CDH16: variants seen among roughly 807,000 people sequenced by gnomAD.
The protein encoded by CDH16 is cadherin 16.
CDH16 carries 79 observed loss-of-function variants against 87.6 expected under a neutral mutation model. The ratio of observed to expected loss-of-function variants is 0.90; its 90% confidence interval spans 0.75 to 1.09. The LOEUF (loss-of-function observed/expected upper bound fraction) is 1.09. CDH16 is among the 50% of genes least tolerant of loss of function. The probability of loss-of-function intolerance (pLI) is 0.00; values close to 1 mark genes in which losing one functional copy is unlikely to be tolerated. For synonymous variants in CDH16, 457 were observed against 439.5 expected (o/e 1.04, Z -0.50); for missense variants, 1,124 against 1,071.7 (o/e 1.05, Z -0.68).
Position 66,908,139 on chromosome 16 carries a change from C to A in CDH16, c.*253G>T, listed in dbSNP as rs1031357062. On this transcript the variant is annotated 3_prime_UTR_variant, in exon 18 of 18. Coordinates refer to ENST00000299752, the MANE Select transcript of CDH16 (RefSeq NM_004062.4). ...CACAGACATACCAATCCCATAGGGCCCAGCCCAGTTCTCTGGGGCTTTATT... is the reference window on the plus strand; with the variant it reads ...CACAGACATACCAATCCCATAGGGCACAGCCCAGTTCTCTGGGGCTTTATT... The A allele has an allele frequency of 1.1e-5, 6 of 540,260 alleles. No individual in the cohort carries two copies. The highest frequency in any genetic ancestry group is 1.0e-5 in the Non-Finnish European group (3 of 300,270). The allele number at this position is 540,260 out of a possible 1,614,324, so 33.5% of individuals were successfully genotyped here. A position where few individuals can be genotyped will look rare whatever the true frequency, so the allele number is the denominator to read the frequency against.
At chr16:66,915,052 C>A (rs1158380352) in intron 6 of CDH16, among the ~76,000 whole-genome samples, 168 bp downstream of exon 6, 1 of 152,172 alleles carries the variant, frequency 6.6e-6, no homozygotes, top group Admixed American at 6.5e-5. Flanking sequence ...GCTCTCCATG[C>A]CTGGCCCTGC....
chr16:66,917,776 A>T, intron 2 of CDH16, 51 bp from the exon 3 acceptor site: 1 of 1,475,624 alleles, frequency 6.8e-7, no homozygotes, highest in Non-Finnish European at 9.4e-7. Flanking sequence ...CTGCGTGGGC[A>T]CTGAGACCCA....
At position 66,912,081 on chromosome 16, in the gene CDH16, C is replaced by T. The variant is rs372442773; in HGVS notation, c.1608G>A (p.Ala536=). 153 of 1,614,022 alleles carry T rather than the reference C, an allele frequency of 9.5e-5. 2 individuals are homozygous for T. In the South Asian group the frequency reaches 1.3e-3, roughly 13 times the overall value. Residue 536 remains alanine (A), a synonymous_variant, in exon 13 of 18, where the codon GCG becomes GCA. Transcript: ENST00000299752. ...HEVVVVVQSV[A]KLVGPGPGPG... ...GGCCTGGGCCTGGCCCCACCAGCTT[C>T]GCCACACTCTGCACCACCACCACCA... is the stretch of plus-strand genomic sequence containing the variant.
At position 66,912,008 on chromosome 16, in the gene CDH16, G is replaced by A. The variant is rs374852035; in HGVS notation, c.1681C>T (p.Pro561Ser). ...TAGCTCTCCTGGTCCAACTTGGGGG[G>A]TGGCATCACTCTCTCCACTAGCACA... ...VTVLVERVMPPPKLDQESYEA... is the reference protein window; with the variant it reads ...VTVLVERVMPSPKLDQESYEA... Residue 561 changes from proline to serine, a missense_variant, in exon 13 of 18, where the codon CCC (proline) becomes TCC (serine). Pro to Ser is a moderately conservative substitution (Grantham distance 74). Coordinates refer to ENST00000299752, the MANE Select transcript of CDH16 (RefSeq NM_004062.4). The A allele has an allele frequency of 3.7e-6, 6 of 1,614,002 alleles. No individual in the cohort carries two copies. In the Admixed American group the frequency reaches 6.7e-5, roughly 18 times the overall value.
chr16:66,915,388 G>A lies in CDH16; in HGVS notation c.425-10C>T, dbSNP rs574852023. ...AAGAGGAAGGGGATGCCTGGTTCAC[G>A]GTGGGAGGGCAAACTGTAAGGGATA... On this transcript the variant is annotated splice_polypyrimidine_tract_variant and intron_variant, in intron 5 of 17. Coordinates refer to ENST00000299752, the MANE Select transcript of CDH16 (RefSeq NM_004062.4). The A allele has an allele frequency of 7.4e-6, 12 of 1,613,222 alleles. No homozygotes were observed. Among genetic ancestry groups the A allele is most frequent in the African/African-American group, 4.0e-5 (3 of 74,998 alleles).
chr16:66,915,018 G>T (rs1007250045), intron 6 of CDH16, among the ~76,000 whole-genome samples: 13 of 152,010 alleles, frequency 8.6e-5, no homozygotes, highest in Non-Finnish European at 1.6e-4. Context: ...TGGAGCTGAG[G>T]CCCTCCATTC....
chr16:66,916,511 A>C lies in CDH16; in HGVS notation c.130-82T>G, dbSNP rs1214126620. On this transcript the variant is annotated intron_variant, in intron 3 of 17. Transcript: ENST00000299752. This position sits in a 1 kb window ranked among gnomAD's most constrained non-coding sequence, Gnocchi z 4.1. ...CCTCCACCTGATGGCCTCATTTTAC[A>C]TGTGGGGAAACTGAGTCTCAGAGAC... 10 of 1,442,060 alleles carry C rather than the reference A, an allele frequency of 6.9e-6. No individual in the cohort carries two copies. The East Asian group carries it at 9.4e-5, about 14-fold the overall frequency. 89.3% of individuals were successfully genotyped at this position (1,442,060 alleles called of 1,614,324 possible).
In CDH16 at chr16:66,911,301, T is replaced by C; in HGVS notation, c.1805A>G (p.Asn602Ser). The C allele has an allele frequency of 2.5e-6, 4 of 1,613,422 alleles. No homozygotes were observed. The South Asian group carries it at 3.3e-5, about 13-fold the overall frequency. Reference protein sequence around the residue: ...ISRTLRFSLVNDSEGWLCIEK... With the variant: ...ISRTLRFSLVSDSEGWLCIEK... ...AATGCAGAGCCAGCCCTCTGAGTCA[T>C]TGACTAGGGAGAACCTGCCGCCCAA... Residue 602 changes from asparagine to serine, a missense_variant, in exon 14 of 18, where the codon AAT (asparagine) becomes AGT (serine). By Grantham distance (46) the Asn-to-Ser change is conservative (BLOSUM62 1). Transcript: ENST00000299752.
chr16:66,915,909 A>T (rs1489694844), intron 5 of CDH16, among the ~76,000 whole-genome samples, 156 bp downstream of exon 5: 1 of 152,114 alleles, frequency 6.6e-6, no homozygotes, highest in Non-Finnish European at 1.5e-5. Flanking sequence ...AAAAAAAAGA[A>T]AAAAAGAAAA....
chr16:66,917,608 T>TC (rs780904696), intron 3 of CDH16, 34 bp downstream of exon 3: 2 of 1,500,162 alleles, frequency 1.3e-6, no homozygotes, highest in Non-Finnish European at 9.3e-7. Context: ...CGGGGAGGGA[T>TC]CCCCCCGGCC....
intron 17 of CDH16, among the ~76,000 whole-genome samples, chr16:66,908,740 G>A (rs561450023): frequency 3.3e-5 from 5 of 152,206 alleles, no homozygotes; most frequent in African/African-American, 9.6e-5. Flanking sequence ...TGGGGACATC[G>A]GGGAACCAGT....
At chr16:66,915,413 AG>A in intron 5 of CDH16, 35 bp from the exon 6 acceptor site, 1 of 1,604,420 alleles carries the variant, frequency 6.2e-7, no homozygotes, top group East Asian at 2.2e-5. Context: ...TGTAAGGGAT[AG>A]AGAGGGTGGG....
Position 66,912,959 on chromosome 16 carries a change from T to C in CDH16, c.1055-68A>G. On this transcript the variant is annotated intron_variant, in intron 9 of 17. Coordinates refer to ENST00000299752, the MANE Select transcript of CDH16 (RefSeq NM_004062.4). ...TGGAGACCTTACCCCACCCACTCCT[T>C]ATTTTGTGCCAAACTAAACTGAATT... The C allele has an allele frequency of 2.0e-6, 3 of 1,480,302 alleles. No individual in the cohort carries two copies. In the East Asian group the frequency reaches 6.8e-5, roughly 34 times the overall value. 91.7% of individuals were successfully genotyped at this position (1,480,302 alleles called of 1,614,324 possible).
intron 5 of CDH16, among the ~76,000 whole-genome samples, chr16:66,915,627 T>C (rs1393206682): frequency 2.0e-5 from 3 of 152,198 alleles, no homozygotes; most frequent in African/African-American, 7.2e-5. Flanking sequence ...GTGCAGTGGC[T>C]CATGCCTGTA....
intron 15 of CDH16, 43 bp downstream of exon 15, chr16:66,910,217 C>A (rs367669100): frequency 6.4e-7 from 1 of 1,561,988 alleles, no homozygotes; most frequent in Admixed American, 1.8e-5. Flanking sequence ...GACACCCCCT[C>A]CCTGCCTTGG....
At chr16:66,917,259 A>T (rs899153153) in intron 3 of CDH16, among the ~76,000 whole-genome samples, 1 of 152,176 alleles carries the variant, frequency 6.6e-6, no homozygotes, top group Non-Finnish European at 1.5e-5. Context: ...AGAACATGCT[A>T]CTGCACTCCA....
In CDH16 at chr16:66,910,225, T is replaced by C. The variant is rs372978428; in HGVS notation, c.2167+35A>G. On this transcript the variant is annotated intron_variant, in intron 15 of 17. Coordinates refer to ENST00000299752, the MANE Select transcript of CDH16 (RefSeq NM_004062.4). ...TCCAAGTGACACCCCCTCCCTGCCTTGGCCACAGCCTCCCTCCCTTTCCCC... is the reference window on the plus strand; with the variant it reads ...TCCAAGTGACACCCCCTCCCTGCCTCGGCCACAGCCTCCCTCCCTTTCCCC... 6.5e-5 allele frequency: 101 copies of C among 1,565,620 alleles called. 1 individual carries two copies. In the South Asian group the frequency reaches 9.0e-4, roughly 14 times the overall value.
chr16:66,910,229 C>T (rs1294983927), intron 15 of CDH16, 31 bp downstream of exon 15: 1 of 1,566,402 alleles, frequency 6.4e-7, no homozygotes, highest in South Asian at 1.2e-5. Flanking sequence ...CTGCCTTGGC[C>T]ACAGCCTCCC....
rs1267168901 is a variant in CDH16, at chr16:66,912,338, G to A, written c.1452C>T (p.Arg484=). 2 of 1,614,160 alleles carry A rather than the reference G, an allele frequency of 1.2e-6. No homozygotes were observed. Among genetic ancestry groups the A allele is most frequent in the Non-Finnish European group, 8.5e-7 (1 of 1,180,028 alleles). Residue 484 remains arginine, a synonymous_variant, in exon 12 of 18, where the codon CGC becomes CGT. Transcript: ENST00000299752. ...AIDADLEPAF[R]LMDFAIERGD... ...CCCTCTCAATGGCAAAATCCATGAG[G>A]CGGAAGGCGGGCTCGAGGTCAGCAT...
Sources: allele counts gnomAD v4.1 joint callset (sites outside exome capture counted in the v4.1 genomes callset), GRCh38; gene constraint gnomAD v4.1.1; non-coding constraint Gnocchi (gnomAD v3.1); transcripts MANE v1.5; gene names NCBI Gene and HGNC (gene_info 2026-07-23, HGNC 2026-07-21).